Variants in PHAF1 observed in about 807,000 individuals in gnomAD.
PHAF1 encodes phagophore assembly factor 1.
Under a neutral mutation model 63.1 loss-of-function variants are expected in PHAF1, and 23 were observed. The ratio of observed to expected loss-of-function variants is 0.36; its 90% confidence interval spans 0.26 to 0.52. The LOEUF (loss-of-function observed/expected upper bound fraction) is 0.52. Ranked by LOEUF, PHAF1 falls within the 20% of genes least tolerant of loss-of-function variation. PHAF1 has a pLI of 0.93. For missense variants in PHAF1, 427 were observed against 517.2 expected, an observed-to-expected ratio of 0.83 and a Z score of 1.69; for synonymous variants, 167 against 185.0, an observed-to-expected ratio of 0.90 and a Z score of 0.79.
In PHAF1 at chr16:67,126,137, T is replaced by G. The variant is rs1597196688; in HGVS notation, c.231+95T>G. The G allele has an allele frequency of 7.4e-6, 7 of 950,660 alleles. No homozygotes were observed. In the South Asian group the frequency reaches 8.1e-5, roughly 11 times the overall value. 58.9% of individuals were successfully genotyped at this position (950,660 alleles called of 1,614,324 possible). On this transcript the variant is annotated intron_variant, in intron 3 of 15. Coordinates refer to ENST00000219139, the MANE Select transcript of PHAF1 (RefSeq NM_025187.5). Reference sequence around the variant, plus strand: ...CTATTGTGAGATGTTTCAAAACTTATAAGTAGGTGTGGACTTCTTTGGTTC... The same window carrying G: ...CTATTGTGAGATGTTTCAAAACTTAGAAGTAGGTGTGGACTTCTTTGGTTC...
intron 3 of PHAF1, among the ~76,000 whole-genome samples, chr16:67,127,623 C>T (rs796191828): frequency 2.0e-5 from 3 of 152,030 alleles, no homozygotes; most frequent in Admixed American, 6.6e-5. Context: ...GGTGAAACCC[C>T]GTCTCTACTA....
chr16:67,143,863 C>T (rs1476209809), intron 10 of PHAF1, among the ~76,000 whole-genome samples: 2 of 151,516 alleles, frequency 1.3e-5, no homozygotes, highest in South Asian at 2.1e-4. Context: ...CCGAGGTGGG[C>T]GGATCACCTG....
intron 3 of PHAF1, among the ~76,000 whole-genome samples, chr16:67,128,517 CA>C (rs914514969): frequency 6.6e-5 from 10 of 152,154 alleles, no homozygotes; most frequent in African/African-American, 2.2e-4. Flanking sequence ...AGTTGCTTCC[CA>C]CCCCCTGCCT....
intron 1 of PHAF1, among the ~76,000 whole-genome samples, chr16:67,118,225 G>C (rs1210720694): frequency 1.4e-5 from 2 of 146,894 alleles, no homozygotes; most frequent in East Asian, 2.0e-4. Flanking sequence ...TGCCCTCCTC[G>C]GCCTCCCAAA....
At chr16:67,146,924 G>A in intron 15 of PHAF1, 121 bp from the exon 16 acceptor site, 1 of 880,880 alleles carries the variant, frequency 1.1e-6, no homozygotes, top group Non-Finnish European at 1.9e-6. Flanking sequence ...GGGAGGTTGA[G>A]GAGTCGGGAA....
rs898598858 is a variant in PHAF1 at position 67,147,493 on chromosome 16, C to G, written c.*362C>G. 4.1e-6 allele frequency: 1 copy of G among 246,156 alleles called. No individual in the cohort carries two copies. Among genetic ancestry groups the G allele is most frequent in the Admixed American group, 5.5e-5 (1 of 18,166 alleles). The allele number at this position is 246,156 out of a possible 1,614,324, so 15.2% of individuals were successfully genotyped here. A position where few individuals can be genotyped will look rare whatever the true frequency, so the allele number is the denominator to read the frequency against. On this transcript the variant is annotated 3_prime_UTR_variant, in exon 16 of 16. Coordinates refer to ENST00000219139, the MANE Select transcript of PHAF1 (RefSeq NM_025187.5). ...CTCTTTCTGTGACTGAGGACACAGGCACCCAGGATAAGGACAAGGTCCTGC... is the reference window on the plus strand; with the variant it reads ...CTCTTTCTGTGACTGAGGACACAGGGACCCAGGATAAGGACAAGGTCCTGC...
At chr16:67,136,797 T>A (rs1963627331) in intron 8 of PHAF1, among the ~76,000 whole-genome samples, 1 of 151,922 alleles carries the variant, frequency 6.6e-6, no homozygotes, top group South Asian at 2.1e-4. Context: ...CCCAGGCTGG[T>A]CTCAAACTCC....
Position 67,147,057 on chromosome 16 carries a change from A to C in PHAF1, c.1195A>C (p.Asn399His), listed in dbSNP as rs745672399. The C allele has an allele frequency of 3.3e-5, 53 of 1,613,790 alleles. No individual in the cohort carries two copies. The highest frequency in any genetic ancestry group is 2.3e-4 in the Admixed American group (14 of 59,988). The stretch of plus-strand genomic sequence containing the variant: ...CTTCTCACACCAGGTCATGCAGAAC[A>C]ACCACATTGCCTCGGTGACCCTGTA... Reference protein sequence around the residue: ...QRMIFEVMQNNHIASVTLYGP... With the variant: ...QRMIFEVMQNHHIASVTLYGP... Residue 399 changes from asparagine to histidine, a missense_variant, in exon 16 of 16, where the codon AAC (asparagine) becomes CAC (histidine). Transcript: ENST00000219139.
intron 8 of PHAF1, chr16:67,135,834 C>T (rs917257023): frequency 6.6e-6 from 1 of 152,256 alleles, no homozygotes; most frequent in African/African-American, 2.4e-5. Flanking sequence ...CTCCTGGGCT[C>T]AAGCAATCCT....
chr16:67,146,183 C>T, intron 14 of PHAF1, 95 bp from the exon 15 acceptor site: 1 of 1,105,916 alleles, frequency 9.0e-7, no homozygotes, highest in South Asian at 1.2e-5. Flanking sequence ...TGAGAGACTA[C>T]TGGCCAGTAT....
chr16:67,122,410 C>T (rs1050379772), intron 2 of PHAF1, among the ~76,000 whole-genome samples: 1 of 151,842 alleles, frequency 6.6e-6, no homozygotes, highest in Non-Finnish European at 1.5e-5. Flanking sequence ...TCCAAGAGTT[C>T]GAGACCAGCC....
chr16:67,119,755 T>C (rs1962899897), intron 1 of PHAF1, among the ~76,000 whole-genome samples: 1 of 151,060 alleles, frequency 6.6e-6, no homozygotes, highest in Non-Finnish European at 1.5e-5. Flanking sequence ...TTCAAATGCC[T>C]GACCTCAAGT....
intron 1 of PHAF1, among the ~76,000 whole-genome samples, chr16:67,117,515 T>C (rs560296025): frequency 2.8e-4 from 42 of 150,508 alleles, no homozygotes; most frequent in Non-Finnish European, 5.2e-4. Flanking sequence ...CAGTGGCTCA[T>C]GCCTGTAATC....
At chr16:67,141,884 C>A (rs1597215748) in intron 10 of PHAF1, among the ~76,000 whole-genome samples, 1 of 152,220 alleles carries the variant, frequency 6.6e-6, no homozygotes, top group East Asian at 1.9e-4. Context: ...TGCAGCTCTT[C>A]TCTTCTTGTC....
At chr16:67,134,773 G>C (rs568801523) in intron 8 of PHAF1, 3 of 502,392 alleles carry the variant, frequency 6.0e-6, no homozygotes, top group East Asian at 1.1e-4. Context: ...GTTTTTTAAC[G>C]GCACTGATCT....
In PHAF1 at chr16:67,110,082, C is replaced by CG. The variant is rs569318309; in HGVS notation, c.-89dup. 1.1e-3 allele frequency: 1,550 copies of CG among 1,354,452 alleles called. 11 individuals are homozygous for CG. The Middle Eastern group carries it at 0.013, about 11-fold the overall frequency. The allele number at this position is 1,354,452 out of a possible 1,614,324, so 83.9% of individuals were successfully genotyped here. Reference sequence around the variant, plus strand: ...GGAAAGCGGGGCTGTGGCGGGCCGGCGGGGGCGGCCTGTCAGCCGCTGCTT... The same window carrying CG: ...GGAAAGCGGGGCTGTGGCGGGCCGGCGGGGGGCGGCCTGTCAGCCGCTGCTT... On this transcript the variant is annotated 5_prime_UTR_variant, in exon 1 of 16. Transcript: ENST00000219139.
intron 1 of PHAF1, among the ~76,000 whole-genome samples, chr16:67,110,810 CT>C (rs1213351720): frequency 5.3e-5 from 8 of 151,962 alleles, no homozygotes; most frequent in Admixed American, 5.3e-4. Context: ...TTGCTTCTCT[CT>C]TTTTTTTCTT....
chr16:67,142,646 T>G (rs1405557323), intron 10 of PHAF1, among the ~76,000 whole-genome samples: 1 of 151,944 alleles, frequency 6.6e-6, no homozygotes, highest in African/African-American at 2.4e-5. Context: ...AGAGGCTAGG[T>G]AGTGGGAGCA....
Position 67,132,459 on chromosome 16 carries a change from A to G in PHAF1, c.289A>G (p.Asn97Asp), listed in dbSNP as rs1963441102. The G allele has an allele frequency of 6.2e-7, 1 of 1,603,752 alleles. No individual in the cohort carries two copies. The highest frequency in any genetic ancestry group is 8.5e-7 in the Non-Finnish European group (1 of 1,173,532). The part of the protein sequence containing the change: ...VKLKYCGVHF[N>D]SQAIAPTIEQ... Reference sequence around the variant, plus strand: ...TTTGTTTTTCAGTGGCGTGCATTTTAATTCTCAGGCCATAGCTCCTACCAT... The same window carrying G: ...TTTGTTTTTCAGTGGCGTGCATTTTGATTCTCAGGCCATAGCTCCTACCAT... The change falls in exon 5 of 16, where the codon AAT becomes GAT. Residue 97 changes from asparagine (N) to aspartate (D), a missense_variant. Physicochemically the swap from Asn to Asp is conservative, Grantham distance 23. Coordinates refer to ENST00000219139, the MANE Select transcript of PHAF1 (RefSeq NM_025187.5).
Sources: allele counts gnomAD v4.1 joint callset (sites outside exome capture counted in the v4.1 genomes callset), GRCh38; gene constraint gnomAD v4.1.1; transcripts MANE v1.5; gene names NCBI Gene and HGNC (gene_info 2026-07-23, HGNC 2026-07-21).